The following HSPA12A variants were observed in gnomAD, a reference collection of about 807,000 sequenced individuals.
The protein encoded by HSPA12A is heat shock 70 kDa protein 12A.
A neutral mutation model predicts 69.2 loss-of-function variants in HSPA12A; 28 were observed. The observed-to-expected ratio is 0.40, with a 90% CI of 0.30 to 0.55. The LOEUF is 0.55. HSPA12A is among the 20% of genes least tolerant of loss of function. The pLI is 0.38. For synonymous variants in HSPA12A, 345 were observed against 370.5 expected (o/e 0.93, Z 0.79); for missense variants, 686 against 900.7 (o/e 0.76, Z 3.05).
At chr10:116,849,725 G>C in exon 1 of HSPA12A, 2 of 1,521,518 alleles carry the variant, frequency 1.3e-6, no homozygotes, top group Non-Finnish European at 8.8e-7. Flanking sequence ...ACGTCTACGG[G>C]CACCTGGTAG....
rs1554887319 is a variant in HSPA12A, at chr10:116,742,415, G to T, written c.40+15C>A. 3 of 1,434,076 alleles carry T rather than the reference G, an allele frequency of 2.1e-6. No homozygotes were observed. Among genetic ancestry groups the T allele is most frequent in the Admixed American group, 2.6e-5 (1 of 39,150 alleles). 88.8% of individuals were successfully genotyped at this position (1,434,076 alleles called of 1,614,324 possible). A position where few individuals can be genotyped will look rare whatever the true frequency, so the allele number is the denominator to read the frequency against. On this transcript the variant is annotated intron_variant, in intron 1 of 11. Transcript: ENST00000369209. ...CCCGCCAGCCGCGGCCGCAGGACCC[G>T]CAGCCTGCGCTCACCTCGGGGCCCG...
chr10:116,817,575 T>C (rs1845329868), intron 2 of HSPA12A, among the ~76,000 whole-genome samples: 1 of 152,142 alleles, frequency 6.6e-6, no homozygotes, highest in Non-Finnish European at 1.5e-5. Context: ...TGATCTTCTA[T>C]TTAAGATTTC....
chr10:116,735,301 T>A (rs1851280510), intron 1 of HSPA12A, among the ~76,000 whole-genome samples: 1 of 152,232 alleles, frequency 6.6e-6, no homozygotes, highest in South Asian at 2.1e-4. Context: ...TAGCCACACA[T>A]TCTTTGCAGG....
At chr10:116,729,468 G>C (rs1483986277) in intron 1 of HSPA12A, among the ~76,000 whole-genome samples, 1 of 152,058 alleles carries the variant, frequency 6.6e-6, no homozygotes, top group East Asian at 1.9e-4. Flanking sequence ...GAGGGTTAGG[G>C]GCACCCACCC....
intron 1 of HSPA12A, among the ~76,000 whole-genome samples, chr10:116,734,904 C>T (rs1432023796): frequency 6.6e-6 from 1 of 151,926 alleles, no homozygotes; most frequent in Non-Finnish European, 1.5e-5. Flanking sequence ...AGGCAGGAGA[C>T]TGGCATGAAC....
At chr10:116,849,749 G>C (rs557831843), upstream of HSPA12A, 1 of 1,491,610 alleles carries the variant, frequency 6.7e-7, no homozygotes, top group East Asian at 2.5e-5. Flanking sequence ...CCTGGGACAA[G>C]CGCTCTCCTC....
intron 4 of HSPA12A, among the ~76,000 whole-genome samples, chr10:116,699,826 A>C (rs549009453): frequency 1.3e-5 from 2 of 152,366 alleles, no homozygotes; most frequent in South Asian, 4.1e-4. Context: ...AAATAGGAAC[A>C]GTTCATTTCT....
chr10:116,789,077 G>T (rs1397793496), intron 2 of HSPA12A, among the ~76,000 whole-genome samples: 4 of 152,028 alleles, frequency 2.6e-5, no homozygotes, highest in Non-Finnish European at 5.9e-5. Context: ...TGTTGGCCAG[G>T]CTGCTCTCGA....
chr10:116,835,776 C>T (rs1217596650), intron 1 of HSPA12A, among the ~76,000 whole-genome samples: 1 of 152,130 alleles, frequency 6.6e-6, no homozygotes, highest in Non-Finnish European at 1.5e-5. Context: ...CGAAAGCAGT[C>T]AGGAGTGTGT....
rs1242907336 is a variant in HSPA12A at position 116,742,560 on chromosome 10, C to G, written c.-91G>C. On this transcript the variant is annotated 5_prime_UTR_variant, in exon 1 of 12. Transcript: ENST00000369209. ...TCCGCGTCCGCGGCGGCGCTCGGGC[C>G]GTGTCTGAGCCGCCGGGCAGCGGGA... The G allele has an allele frequency of 4.3e-6, 5 of 1,159,800 alleles. No individual in the cohort carries two copies. The highest frequency in any genetic ancestry group is 4.2e-5 in the South Asian group (1 of 23,934). 71.8% of individuals were successfully genotyped at this position (1,159,800 alleles called of 1,614,324 possible).
intron 2 of HSPA12A, among the ~76,000 whole-genome samples, chr10:116,816,646 C>T (rs1845311703): frequency 6.6e-6 from 1 of 152,196 alleles, no homozygotes; most frequent in African/African-American, 2.4e-5. Context: ...ACATCCAATT[C>T]CGATGGTTGC....
intron 2 of HSPA12A, among the ~76,000 whole-genome samples, chr10:116,827,858 C>T (rs367987772): frequency 7.9e-5 from 12 of 152,184 alleles, no homozygotes; most frequent in Admixed American, 2.6e-4. Context: ...AAATTCTCTG[C>T]GGCAGACGGT....
intron 2 of HSPA12A, among the ~76,000 whole-genome samples, chr10:116,826,327 T>C (rs997579394): frequency 1.1e-4 from 16 of 152,226 alleles, no homozygotes; most frequent in Non-Finnish European, 2.2e-4. Context: ...AAGGGAGCCA[T>C]TGGCTTTCAC....
intron 2 of HSPA12A, chr10:116,830,490 A>G (rs1845594160): frequency 6.6e-6 from 1 of 152,302 alleles, no homozygotes; most frequent in African/African-American, 2.4e-5. Context: ...ATATGCATAT[A>G]TGGGCTGGTT....
intron 1 of HSPA12A, among the ~76,000 whole-genome samples, chr10:116,845,102 C>T (rs894443178): frequency 5.3e-5 from 8 of 152,294 alleles, no homozygotes; most frequent in African/African-American, 1.9e-4. Flanking sequence ...AGCCCGTGGA[C>T]TCTGTGAAAG....
intron 2 of HSPA12A, among the ~76,000 whole-genome samples, chr10:116,797,551 T>A (rs1383505888): frequency 6.6e-6 from 1 of 152,326 alleles, no homozygotes; most frequent in East Asian, 1.9e-4. Context: ...GAGGCTGGAA[T>A]GTGAACCCAC....
intron 2 of HSPA12A, among the ~76,000 whole-genome samples, chr10:116,749,439 G>A (rs549564290): frequency 5.9e-5 from 9 of 152,260 alleles, no homozygotes; most frequent in South Asian, 2.1e-4. Context: ...ACTGAGGCCC[G>A]GAGATCAGGT....
intron 1 of HSPA12A, among the ~76,000 whole-genome samples, chr10:116,849,164 C>G (rs948340031): frequency 6.6e-6 from 1 of 152,180 alleles, no homozygotes; most frequent in African/African-American, 2.4e-5. Context: ...CGGGGTGGCC[C>G]AAGACGCTGG....
At chr10:116,714,459 C>G (rs77821490) in intron 1 of HSPA12A, among the ~76,000 whole-genome samples, 1 of 152,136 alleles carries the variant, frequency 6.6e-6, no homozygotes, top group African/African-American at 2.4e-5. Flanking sequence ...TAATTAGCAT[C>G]TCTTGCATTC....
Sources: gnomAD v4.1 joint callset for allele counts (sites outside exome capture counted in the v4.1 genomes callset) on GRCh38, gnomAD v4.1.1 for gene constraint, MANE v1.5 for transcripts, NCBI Gene and HGNC (gene_info 2026-07-23, HGNC 2026-07-21) for gene names.